The following SMC3 variants were observed in gnomAD, a reference collection of about 807,000 sequenced individuals.
SMC3 encodes the protein structural maintenance of chromosomes 3, also known as structural maintenance of chromosomes protein 3.
In SMC3, 20 loss-of-function variants were observed where a neutral mutation model predicts 171.8. The ratio of observed to expected loss-of-function variants is 0.12; its 90% confidence interval spans 0.08 to 0.17. The LOEUF is 0.17. Ranked by LOEUF, SMC3 falls within the 10% of genes least tolerant of loss-of-function variation. The pLI is 1.00. For missense variants in SMC3, 543 were observed against 1,420.4 expected, an observed-to-expected ratio of 0.38 and a Z score of 9.93; for synonymous variants, 464 against 451.1, an observed-to-expected ratio of 1.03 and a Z score of -0.36.
chr10:110,598,319 C>A (rs547971522), intron 20 of SMC3, 29 bp downstream of exon 20: 20 of 1,593,966 alleles, frequency 1.3e-5, no homozygotes, highest in South Asian at 2.2e-5. Flanking sequence ...GGTTATAGAT[C>A]GATTGTTACA....
intron 13 of SMC3, among the ~76,000 whole-genome samples, chr10:110,588,215 C>G (rs1266556932): frequency 3.9e-5 from 6 of 152,198 alleles, no homozygotes; most frequent in African/African-American, 1.4e-4. Context: ...TGGTCTCCAT[C>G]TCTTGACTTC....
chr10:110,575,504 T>C, intron 4 of SMC3, 101 bp downstream of exon 4: 1 of 862,456 alleles, frequency 1.2e-6, no homozygotes, highest in Non-Finnish European at 1.9e-6. Context: ...TCAGATTCTT[T>C]GTGAACAAGA....
At chr10:110,577,250 T>C (rs1860965840) in intron 4 of SMC3, among the ~76,000 whole-genome samples, 171 bp from the exon 5 acceptor site, 1 of 152,098 alleles carries the variant, frequency 6.6e-6, no homozygotes, top group African/African-American at 2.4e-5. Flanking sequence ...TATGTATCCC[T>C]CTTGCCAAAA....
At chr10:110,570,712 A>G (rs753558808) in intron 2 of SMC3, among the ~76,000 whole-genome samples, 1 of 152,232 alleles carries the variant, frequency 6.6e-6, no homozygotes, top group Non-Finnish European at 1.5e-5. Context: ...TATAAGGTCC[A>G]TCAAATACCA....
At position 110,590,549 on chromosome 10, in the gene SMC3, C is replaced by T. The variant is rs776428789; in HGVS notation, c.1647C>T (p.Cys549=). 2.5e-5 allele frequency: 41 copies of T among 1,613,856 alleles called. No homozygotes were observed. The highest frequency in any genetic ancestry group is 1.6e-4 in the Middle Eastern group (1 of 6,074). ...NFECEPAFYT[C]VEVTAGNRLF... is the part of the protein sequence containing the mutation. Reference sequence around the variant, plus strand: ...AATGTGAACCAGCTTTCTACACATGCGTGGAAGTCACTGCTGGAAACAGGT... The same window carrying T: ...AATGTGAACCAGCTTTCTACACATGTGTGGAAGTCACTGCTGGAAACAGGT... Residue 549 remains cysteine (C), a synonymous_variant, in exon 16 of 29, where the codon TGC becomes TGT. Transcript: ENST00000361804.
intron 22 of SMC3, 75 bp from the exon 23 acceptor site, chr10:110,600,947 A>G: frequency 9.4e-7 from 1 of 1,063,692 alleles, no homozygotes; most frequent in East Asian, 2.4e-5. Context: ...TTGAATGTTT[A>G]TTCAGACAAT....
In SMC3 at chr10:110,604,449, T is replaced by C. The variant is rs1861437086; in HGVS notation, c.*147T>C. 4.8e-6 allele frequency: 3 copies of C among 630,272 alleles called. No individual in the cohort carries two copies. Among genetic ancestry groups the C allele is most frequent in the Non-Finnish European group, 5.7e-6 (2 of 351,790 alleles). The allele number at this position is 630,272 out of a possible 1,614,324, so 39.0% of individuals were successfully genotyped here. A position where few individuals can be genotyped will look rare whatever the true frequency, so the allele number is the denominator to read the frequency against. On this transcript the variant is annotated 3_prime_UTR_variant, in exon 29 of 29. Coordinates refer to ENST00000361804, the MANE Select transcript of SMC3 (RefSeq NM_005445.4). ...CTTTTATATTTGTCTTTGTATTTTA[T>C]AAGATACTCTGTAATGTCATGTTTG...
chr10:110,596,958 T>G (rs1463093124), intron 19 of SMC3, among the ~76,000 whole-genome samples: 5 of 151,922 alleles, frequency 3.3e-5, no homozygotes, highest in African/African-American at 1.2e-4. Flanking sequence ...ATGTTACATA[T>G]TGCTTAGAAG....
intron 25 of SMC3, 124 bp downstream of exon 25, chr10:110,602,302 C>G: frequency 1.0e-6 from 1 of 995,200 alleles, no homozygotes; most frequent in Non-Finnish European, 1.6e-6. Flanking sequence ...TGTGAACAAA[C>G]CTAGCATATA....
chr10:110,583,650 A>G, intron 11 of SMC3, 102 bp downstream of exon 11: 3 of 1,326,666 alleles, frequency 2.3e-6, no homozygotes, highest in Non-Finnish European at 3.2e-6. Context: ...ATTTTTTTTT[A>G]AGCTTTGCTA....
At position 110,596,222 on chromosome 10, in the gene SMC3, CAA is replaced by C. The variant is rs55837501; in HGVS notation, c.1964-157_1964-156del. On this transcript the variant is annotated intron_variant, in intron 18 of 28. Coordinates refer to ENST00000361804, the MANE Select transcript of SMC3 (RefSeq NM_005445.4). ...GAGCAACAAGAGCAAGACCCTGTCT[CAA>C]AAAAAAAAAAAAAAAAAATCTAGCA... 8.0e-3 allele frequency among the ~76,000 whole-genome samples: 997 copies of C among 124,784 alleles called. 10 individuals are homozygous for C. Among genetic ancestry groups the C allele is most frequent in the Non-Finnish European group, 0.011 (674 of 61,706 alleles). The allele number at this position is 124,784 out of a possible 152,430, so 81.9% of individuals were successfully genotyped here.
Position 110,578,646 on chromosome 10 carries a change from C to A in SMC3, c.369C>A (p.Asn123Lys). 6.2e-7 allele frequency: 1 copy of A among 1,609,560 alleles called. No individual in the cohort carries two copies. The highest frequency in any genetic ancestry group is 8.5e-7 in the Non-Finnish European group (1 of 1,177,236). The change falls in exon 7 of 29, where the codon AAC becomes AAA. Residue 123 changes from asparagine (N) to lysine (K), a missense_variant. Asn to Lys is a moderately conservative substitution (Grantham distance 94). Around this residue, in one of 8 missense-constraint regions of SMC3, gnomAD observed 146 missense variants for 437.9 expected, o/e 0.33. Transcript: ENST00000361804. ...KKMVTKNDVM[N>K]LLESAGFSRS... ...TCAACAGGAAAAATGATGTGATGAACCTCCTTGAAAGCGCTGGTTTTTCTC... is the reference window on the plus strand; with the variant it reads ...TCAACAGGAAAAATGATGTGATGAAACTCCTTGAAAGCGCTGGTTTTTCTC...
At chr10:110,567,904 G>A in intron 1 of SMC3, 73 bp downstream of exon 1, 4 of 1,453,406 alleles carry the variant, frequency 2.8e-6, no homozygotes, top group Non-Finnish European at 3.7e-6. Flanking sequence ...GTGTTGCGGC[G>A]CCACCCGCAG....
chr10:110,598,018 A>T, intron 19 of SMC3, 121 bp from the exon 20 acceptor site: 1 of 865,022 alleles, frequency 1.2e-6, no homozygotes, highest in Non-Finnish European at 1.8e-6. Context: ...CATAAATTTG[A>T]GGACATAAAT....
intron 1 of SMC3, among the ~76,000 whole-genome samples, chr10:110,568,121 G>T (rs1284754874): frequency 6.6e-6 from 1 of 152,138 alleles, no homozygotes; most frequent in East Asian, 1.9e-4. Flanking sequence ...CGCTGGGAGG[G>T]ACTGGGCCTT....
At chr10:110,601,163 T>C (rs377157845) in intron 23 of SMC3, 33 bp downstream of exon 23, 1 of 1,452,024 alleles carries the variant, frequency 6.9e-7, no homozygotes, top group East Asian at 2.3e-5. Context: ...TTTGTTTATA[T>C]GCATGTTTTA....
intron 12 of SMC3, 58 bp downstream of exon 12, chr10:110,584,020 T>A (rs187711622): frequency 1.3e-4 from 203 of 1,597,814 alleles, no homozygotes; most frequent in Middle Eastern, 1.0e-3. Flanking sequence ...AAAACTAGGT[T>A]GTCCGAGGAG....
At chr10:110,580,346 T>C (rs1462197855) in intron 7 of SMC3, among the ~76,000 whole-genome samples, 1 of 152,186 alleles carries the variant, frequency 6.6e-6, no homozygotes, top group Admixed American at 6.5e-5. Context: ...CTTATAAAAA[T>C]ACTTTGTTTT....
chr10:110,581,539 A>G (rs1861030078), intron 8 of SMC3, among the ~76,000 whole-genome samples: 2 of 152,142 alleles, frequency 1.3e-5, no homozygotes, highest in African/African-American at 4.8e-5. Flanking sequence ...TTTTAAAAGG[A>G]AGCTTAAACT....
Sources: gnomAD v4.1 joint callset for allele counts (sites outside exome capture counted in the v4.1 genomes callset) on GRCh38, gnomAD v4.1.1 for gene constraint, gnomAD v4.1.1 regional missense constraint, MANE v1.5 for transcripts, NCBI Gene and HGNC (gene_info 2026-07-23, HGNC 2026-07-21) for gene names.